Variants in RANBP2 observed in about 807,000 individuals in gnomAD.
The protein encoded by RANBP2 is E3 SUMO-protein ligase RanBP2.
Under a neutral mutation model 303.6 loss-of-function variants are expected in RANBP2, and 57 were observed. The observed-to-expected ratio is 0.19, with a 90% CI of 0.15 to 0.23. The LOEUF (loss-of-function observed/expected upper bound fraction) is 0.23. RANBP2 is among the 10% of genes least tolerant of loss of function. RANBP2 has a pLI of 1.00. For missense variants in RANBP2, 3,138 were observed against 3,780.8 expected, an observed-to-expected ratio of 0.83 and a Z score of 4.46; for synonymous variants, 1,167 against 1,301.5, an observed-to-expected ratio of 0.90 and a Z score of 2.23.
At chr2:109,170,614 C>T in the RANBP2 span, among the ~76,000 whole-genome samples, 3 of 152,048 alleles carry the variant, frequency 2.0e-5, no homozygotes, top group African/African-American at 4.8e-5. Flanking sequence ...CCACCCAAAG[C>T]GCTGGGATTA....
chr2:109,420,461 T>TG, the RANBP2 span, among the ~76,000 whole-genome samples: 3 of 152,194 alleles, frequency 2.0e-5, no homozygotes, highest in Admixed American at 6.5e-5. Flanking sequence ...TGTTTTGTTT[T>TG]TTGAGATGGA....
the RANBP2 span, among the ~76,000 whole-genome samples, chr2:109,541,910 T>G: frequency 6.6e-6 from 1 of 152,146 alleles, no homozygotes; most frequent in Non-Finnish European, 1.5e-5. Flanking sequence ...CCTGGCCCAA[T>G]AGGAACACGG....
chr2:108,831,508 T>G, the RANBP2 span, among the ~76,000 whole-genome samples: 1 of 152,064 alleles, frequency 6.6e-6, no homozygotes, highest in African/African-American at 2.4e-5. Context: ...TGAAGTGAAA[T>G]TTTTTCATGA....
chr2:109,511,395 CTT>C, the RANBP2 span, among the ~76,000 whole-genome samples: 1 of 152,224 alleles, frequency 6.6e-6, no homozygotes, highest in Non-Finnish European at 1.5e-5. Flanking sequence ...ACAACATACT[CTT>C]TGATCAAAAA....
chr2:109,014,104 A>G, the RANBP2 span, among the ~76,000 whole-genome samples: 2 of 152,204 alleles, frequency 1.3e-5, no homozygotes, highest in Non-Finnish European at 2.9e-5. Context: ...TTTCAGCTCT[A>G]CAATAAATTG....
Position 108,782,709 on chromosome 2 carries a change from G to A in RANBP2, c.9216G>A (p.Ala3072=), listed in dbSNP as rs371443840. The A allele has an allele frequency of 4.6e-5, 75 of 1,614,058 alleles. No individual in the cohort carries two copies. The highest frequency in any genetic ancestry group is 9.3e-5 in the African/African-American group (7 of 74,914). ...TNPVVFFDVC[A]DGEPLGRITM... The stretch of plus-strand genomic sequence containing the variant: ...CTGTGGTGTTTTTTGATGTTTGTGC[G>A]GACGGTGAACCTCTAGGGCGGATAA... Residue 3072 remains alanine (A), a synonymous_variant, in exon 28 of 29, where the codon GCG becomes GCA. Transcript: ENST00000283195.
At chr2:109,574,443 TA>T in the RANBP2 span, 88,163 of 268,050 alleles carry the variant, frequency 0.33, 8,006 homozygotes, top group South Asian at 0.37. Flanking sequence ...ACTTTATCTC[TA>T]AAAAAAAAAA....
the RANBP2 span, among the ~76,000 whole-genome samples, chr2:109,268,124 C>T: frequency 6.6e-6 from 1 of 152,038 alleles, no homozygotes; most frequent in Non-Finnish European, 1.5e-5. Context: ...TGGGTGGCTC[C>T]ACTCACCTCC....
chr2:109,054,169 G>A, the RANBP2 span, among the ~76,000 whole-genome samples: 1 of 152,170 alleles, frequency 6.6e-6, no homozygotes, highest in Non-Finnish European at 1.5e-5. Context: ...CAAGAGGCAG[G>A]GTTGCCAGGG....
the RANBP2 span, among the ~76,000 whole-genome samples, chr2:108,962,674 CAAAAAAAA>C: frequency 6.0e-5 from 4 of 66,904 alleles, no homozygotes; most frequent in East Asian, 4.0e-3. Context: ...GACTCTGTCT[CAAAAAAAA>C]AAAAAAAAAA....
the RANBP2 span, among the ~76,000 whole-genome samples, chr2:109,554,511 C>T: frequency 6.6e-6 from 1 of 152,140 alleles, no homozygotes; most frequent in African/African-American, 2.4e-5. Flanking sequence ...GCAGGGCACA[C>T]TCACACCACC....
intron 22 of RANBP2, 89 bp downstream of exon 22, chr2:108,772,670 C>T (rs1419347577): frequency 9.9e-6 from 13 of 1,312,096 alleles, no homozygotes; most frequent in Admixed American, 4.2e-5. Flanking sequence ...CTATAATTAT[C>T]GATTTTACGA....
the RANBP2 span, among the ~76,000 whole-genome samples, chr2:108,889,020 G>A: frequency 6.6e-6 from 1 of 151,446 alleles, no homozygotes; most frequent in African/African-American, 2.4e-5. Context: ...ATTTCTTTCA[G>A]TTTTTTTAAA....
chr2:108,857,066 CTTTTTTTTT>C, the RANBP2 span: 27 of 44,064 alleles, frequency 6.1e-4, no homozygotes, highest in Non-Finnish European at 6.7e-4. Context: ...GATACTATTG[CTTTTTTTTT>C]TTTTTTTTTT....
chr2:109,697,423 T>A, the RANBP2 span, among the ~76,000 whole-genome samples: 1 of 151,482 alleles, frequency 6.6e-6, no homozygotes, highest in Admixed American at 6.6e-5. Flanking sequence ...AGGCAGAGGT[T>A]GCGGTGAGCC....
At chr2:109,090,246 A>G in the RANBP2 span, among the ~76,000 whole-genome samples, 143,826 of 151,214 alleles carry the variant, frequency 0.95, 68,793 homozygotes, top group Non-Finnish European at 1. Flanking sequence ...GTGCATGTGG[A>G]GGCAGGGAGT....
chr2:109,077,156 TG>T, the RANBP2 span, among the ~76,000 whole-genome samples: 1 of 150,640 alleles, frequency 6.6e-6, no homozygotes, highest in African/African-American at 2.4e-5. Flanking sequence ...TCTAAATAAA[TG>T]GTTTTGGAAA....
chr2:109,081,331 G>T, the RANBP2 span, among the ~76,000 whole-genome samples: 3 of 152,292 alleles, frequency 2.0e-5, no homozygotes, highest in Non-Finnish European at 4.4e-5. Flanking sequence ...TTGGGGGAAA[G>T]GAAATATACA....
At chr2:109,204,453 TG>T in the RANBP2 span, among the ~76,000 whole-genome samples, 1 of 152,266 alleles carries the variant, frequency 6.6e-6, no homozygotes, top group Non-Finnish European at 1.5e-5. Context: ...TTGTTAAAAC[TG>T]GGTTCACTTG....
Sources: gnomAD v4.1 joint callset for allele counts (sites outside exome capture counted in the v4.1 genomes callset) on GRCh38, gnomAD v4.1.1 for gene constraint, MANE v1.5 for transcripts, NCBI Gene and HGNC (gene_info 2026-07-23, HGNC 2026-07-21) for gene names.